The following PDIA6 variants were observed in gnomAD, a reference collection of about 807,000 sequenced individuals.
The protein encoded by PDIA6 is protein disulfide-isomerase A6.
A neutral mutation model predicts 58.4 loss-of-function variants in PDIA6; 29 were observed. The observed-to-expected ratio is 0.50, with a 90% confidence interval of 0.37 to 0.68. The LOEUF (loss-of-function observed/expected upper bound fraction) is 0.68. Among genes scored for constraint, PDIA6 ranks in the 30% least tolerant of loss-of-function variants. PDIA6 has a pLI of 0.00. For synonymous variants in PDIA6, 192 were observed against 202.6 expected, an observed-to-expected ratio of 0.95 and a Z score of 0.44; for missense variants, 480 against 551.0, an observed-to-expected ratio of 0.87 and a Z score of 1.29.
chr2:10,784,159 C>CTGGT lies in PDIA6; in HGVS notation c.*95_*98dup, dbSNP rs750051227. 3.6e-6 allele frequency: 3 copies of CTGGT among 823,886 alleles called. No individual in the cohort carries two copies. Among genetic ancestry groups the CTGGT allele is most frequent in the Non-Finnish European group, 5.8e-6 (3 of 521,186 alleles). 51.0% of individuals were successfully genotyped at this position (823,886 alleles called of 1,614,324 possible). A position where few individuals can be genotyped will look rare whatever the true frequency, so the allele number is the denominator to read the frequency against. On this transcript the variant is annotated 3_prime_UTR_variant, in exon 13 of 13. Coordinates refer to ENST00000272227, the MANE Select transcript of PDIA6 (RefSeq NM_005742.4). Reference sequence around the variant, plus strand: ...GTACTACTTCTTGGTTAAAAGGCCACTGGTAGAGTCATCTGAGTGTAGAGA... The same window carrying CTGGT: ...GTACTACTTCTTGGTTAAAAGGCCACTGGTTGGTAGAGTCATCTGAGTGTAGAGA...
chr2:10,791,449 ACTTTTTAACTGAT>A (rs1382886450), intron 6 of PDIA6, among the ~76,000 whole-genome samples: 1 of 152,150 alleles, frequency 6.6e-6, no homozygotes, highest in African/African-American at 2.4e-5. Flanking sequence ...CCTAGCCTAT[ACTTTTTAACTGAT>A]CTGTGCATTT....
intron 3 of PDIA6, 72 bp downstream of exon 3, chr2:10,797,628 T>A (rs1666325280): frequency 9.8e-7 from 1 of 1,019,434 alleles, no homozygotes; most frequent in Non-Finnish European, 1.5e-6. Flanking sequence ...CATACACAGG[T>A]GAATATGGAC....
At position 10,790,167 on chromosome 2, in the gene PDIA6, CG is replaced by C. The variant is rs556838636; in HGVS notation, c.700-279del. On this transcript the variant is annotated intron_variant, in intron 7 of 12. Coordinates refer to ENST00000272227, the MANE Select transcript of PDIA6 (RefSeq NM_005742.4). ...CTAATATTTGTATTTTTAATAGAGA[CG>C]GGGTTTCACCATGTTGGCCAGGCTG... 7.6e-3 allele frequency among the ~76,000 whole-genome samples: 1,162 copies of C among 152,098 alleles called. 19 individuals are homozygous for C. The highest frequency in any genetic ancestry group is 0.026 in the African/African-American group (1,099 of 41,480).
chr2:10,796,863 T>C (rs6740763), intron 4 of PDIA6, among the ~76,000 whole-genome samples: 179 of 152,328 alleles, frequency 1.2e-3, no homozygotes, highest in African/African-American at 4.2e-3. Context: ...CAATGTAGCA[T>C]AGACCTAAGC....
At chr2:10,796,919 T>G (rs928288560) in intron 4 of PDIA6, among the ~76,000 whole-genome samples, 162 bp downstream of exon 4, 1 of 152,214 alleles carries the variant, frequency 6.6e-6, no homozygotes, top group African/African-American at 2.4e-5. Flanking sequence ...TATTTCATCT[T>G]CAGAATGACT....
intron 1 of PDIA6, among the ~76,000 whole-genome samples, chr2:10,809,088 C>T (rs112561185): frequency 0.018 from 2,676 of 152,268 alleles, 90 homozygotes; most frequent in African/African-American, 0.061. Flanking sequence ...GGATTACAGG[C>T]GTGAGCCACC....
At chr2:10,812,875 G>T (rs6736810), upstream of PDIA6, 629,926 of 1,152,286 alleles carry the variant, frequency 0.55, 176,811 homozygotes, top group Middle Eastern at 0.59. Flanking sequence ...TCATTGGTCC[G>T]GGCGGACATC....
intron 1 of PDIA6, chr2:10,821,298 A>G (rs1395359769): frequency 6.1e-6 from 1 of 163,102 alleles, no homozygotes; most frequent in Non-Finnish European, 1.3e-5. Flanking sequence ...CGGTTAATCA[A>G]TTTTACCTGT....
chr2:10,786,677 A>T (rs1477558739), intron 11 of PDIA6, among the ~76,000 whole-genome samples: 1 of 152,222 alleles, frequency 6.6e-6, no homozygotes, highest in African/African-American at 2.4e-5. Flanking sequence ...CTTATACAGC[A>T]GCTAAGAAAT....
Position 10,784,941 on chromosome 2 carries a change from T to C in PDIA6, c.1247A>G (p.Asp416Gly), listed in dbSNP as rs1480643040. Residue 416 changes from aspartate (D) to glycine (G), a missense_variant, in exon 12 of 13, where the codon GAT becomes GGT. Asp to Gly is a moderately conservative substitution (Grantham distance 94). Coordinates refer to ENST00000272227, the MANE Select transcript of PDIA6 (RefSeq NM_005742.4). ...TCCCTCCCGGGCACTCACCTCGCCA[T>C]CCCTGCCGTCCCAAGGCTCTCTCTC... The part of the protein sequence containing the change: ...IVEREPWDGR[D>G]GELPVEDDID... 6.3e-7 allele frequency: 1 copy of C among 1,582,378 alleles called. No individual in the cohort carries two copies. Among genetic ancestry groups the C allele is most frequent in the Non-Finnish European group, 8.6e-7 (1 of 1,162,452 alleles).
At position 10,784,262 on chromosome 2, in the gene PDIA6, A is replaced by C. The variant is rs75657715; in HGVS notation, c.1319T>G (p.Leu440Trp). 1.2e-6 allele frequency: 2 copies of C among 1,612,518 alleles called. No individual in the cohort carries two copies. Among genetic ancestry groups the C allele is most frequent in the African/African-American group, 2.7e-5 (2 of 74,974 alleles). The change falls in exon 13 of 13, where the codon TTG becomes TGG. Residue 440 changes from leucine (L) to tryptophan (W), a missense_variant. Leu to Trp is a moderately conservative substitution (Grantham distance 61). Transcript: ENST00000272227. ...VELDDLGKDEL is the reference protein window; with the variant it reads ...VELDDLGKDEW Reference sequence around the variant, plus strand: ...CTGAAGCCTCTGTTGTGGCTCTCACAACTCATCTTTCCCTAAGTCATCAAG... The same window carrying C: ...CTGAAGCCTCTGTTGTGGCTCTCACCACTCATCTTTCCCTAAGTCATCAAG...
At chr2:10,809,988 ACT>A (rs1447480134) in intron 1 of PDIA6, among the ~76,000 whole-genome samples, 254 of 43,456 alleles carry the variant, frequency 5.8e-3, no homozygotes, top group African/African-American at 0.011. Flanking sequence ...AACTAGTATG[ACT>A]GTTTCAAGAG....
At chr2:10,788,242 C>G (rs1025694034) in intron 10 of PDIA6, among the ~76,000 whole-genome samples, 5 of 152,154 alleles carry the variant, frequency 3.3e-5, no homozygotes, top group African/African-American at 1.2e-4. Context: ...GCCTGCTAAC[C>G]TGGCACTCCA....
upstream of PDIA6, chr2:10,812,812 G>T (rs1667068070): frequency 1.7e-6 from 2 of 1,190,456 alleles, no homozygotes; most frequent in South Asian, 4.1e-5. Context: ...GTGGTCCGAG[G>T]GGCGGCCGCG....
intron 4 of PDIA6, among the ~76,000 whole-genome samples, chr2:10,796,555 A>G (rs962826214): frequency 2.0e-5 from 3 of 152,048 alleles, no homozygotes; most frequent in Non-Finnish European, 2.9e-5. Context: ...AATAACATTT[A>G]GTCTTGGGAG....
At chr2:10,807,070 T>C (rs1048545709) in intron 1 of PDIA6, among the ~76,000 whole-genome samples, 1 of 152,238 alleles carries the variant, frequency 6.6e-6, no homozygotes, top group African/African-American at 2.4e-5. Context: ...GTCTCTAATG[T>C]TAAGCAACAC....
chr2:10,784,886 G>T, intron 12 of PDIA6, 48 bp downstream of exon 12: 1 of 1,330,206 alleles, frequency 7.5e-7, no homozygotes, highest in South Asian at 1.3e-5. Flanking sequence ...AGGCTCAAGA[G>T]AGTAAACCAG....
chr2:10,804,963 G>A (rs1168970636), intron 1 of PDIA6, among the ~76,000 whole-genome samples: 1 of 103,210 alleles, frequency 9.7e-6, no homozygotes, highest in Non-Finnish European at 2.4e-5. Flanking sequence ...TCATGATTTG[G>A]CTCTCTGTCT....
At chr2:10,820,704 C>T (rs1334428034) in intron 1 of PDIA6, 7 of 699,236 alleles carry the variant, frequency 1.0e-5, no homozygotes, top group African/African-American at 5.3e-5. Context: ...TAATTTCTTT[C>T]TACCTCCTGT....
Sources: allele counts gnomAD v4.1 joint callset (sites outside exome capture counted in the v4.1 genomes callset), GRCh38; gene constraint gnomAD v4.1.1; transcripts MANE v1.5; gene names NCBI Gene and HGNC (gene_info 2026-07-23, HGNC 2026-07-21).